RCBTB1: variants seen among roughly 807,000 people sequenced by gnomAD.
The protein encoded by RCBTB1 is RCC1 and BTB domain-containing protein 1.
Under a neutral mutation model 62.4 loss-of-function variants are expected in RCBTB1, and 46 were observed. That is an observed-to-expected ratio of 0.74 (90% CI 0.58 to 0.94). RCBTB1 has a LOEUF of 0.94. Among genes scored for constraint, RCBTB1 ranks in the 40% least tolerant of loss-of-function variants. RCBTB1 has a pLI of 0.00. For missense variants in RCBTB1, 565 were observed against 654.9 expected (o/e 0.86, Z 1.50); for synonymous variants, 222 against 245.8 (o/e 0.90, Z 0.91).
At chr13:49,563,413 A>T (rs1350575704) in intron 4 of RCBTB1, among the ~76,000 whole-genome samples, 1 of 147,574 alleles carries the variant, frequency 6.8e-6, no homozygotes, top group East Asian at 2.0e-4. Flanking sequence ...TTATAATCCC[A>T]GCACTTTGGG....
In RCBTB1 at chr13:49,560,317, G is replaced by C. The variant is rs77512321; in HGVS notation, c.278-233C>G. Among the ~76,000 whole-genome samples, 1,072 of 152,258 alleles carry C rather than the reference G, an allele frequency of 7.0e-3. 46 individuals are homozygous for C. In the East Asian group the frequency reaches 0.11, roughly 16 times the overall value. ...ACTTGGTAATAACATAGAAAGATCA[G>C]TTTTGTGATCAAAAGCAAAGTTTAC... On this transcript the variant is annotated intron_variant, in intron 4 of 12. Transcript: ENST00000378302.
Position 49,541,682 on chromosome 13 carries a change from C to T in RCBTB1, c.1318G>A (p.Ala440Thr), listed in dbSNP as rs765088709. The change falls in exon 11 of 13, where the codon GCT becomes ACT. Residue 440 changes from alanine to threonine, a missense_variant. Coordinates refer to ENST00000378302, the MANE Select transcript of RCBTB1 (RefSeq NM_018191.4). Reference protein sequence around the residue: ...TDTVDLPPEDAIGLLDLATSY... With the variant: ...TDTVDLPPEDTIGLLDLATSY... ...CCCAATGCTACCACAGTACCTATAG[C>T]ATCTTCTGGCGGCAGGTCGACTGTG... 6.2e-7 allele frequency: 1 copy of T among 1,611,252 alleles called. No individual in the cohort carries two copies. Among genetic ancestry groups the T allele is most frequent in the Non-Finnish European group, 8.5e-7 (1 of 1,178,932 alleles).
chr13:49,561,808 A>C (rs1178328144), intron 4 of RCBTB1, among the ~76,000 whole-genome samples: 2 of 152,040 alleles, frequency 1.3e-5, no homozygotes, highest in Non-Finnish European at 2.9e-5. Context: ...AACCTATAAC[A>C]AGTTTCTATG....
In RCBTB1 at chr13:49,541,760, C is replaced by T. The variant is rs1716787030; in HGVS notation, c.1240G>A (p.Asp414Asn). 1.2e-6 allele frequency: 2 copies of T among 1,613,926 alleles called. No homozygotes were observed. Among genetic ancestry groups the T allele is most frequent in the Non-Finnish European group, 1.7e-6 (2 of 1,179,916 alleles). Residue 414 changes from aspartate to asparagine, a missense_variant, in exon 11 of 13, where the codon GAT (aspartate) becomes AAT (asparagine). Physicochemically the swap from Asp to Asn is conservative, Grantham distance 23. Transcript: ENST00000378302. ...NEDMKEVIEIDQFSYPVYRAF... is the reference protein window; with the variant it reads ...NEDMKEVIEINQFSYPVYRAF... ...CGATACACTGGGTAAGAAAACTGATCGATTTCTATCACTTCCTTCATGTCT... is the reference window on the plus strand; with the variant it reads ...CGATACACTGGGTAAGAAAACTGATTGATTTCTATCACTTCCTTCATGTCT...
At chr13:49,542,213 C>CAAA (rs11285149) in intron 10 of RCBTB1, among the ~76,000 whole-genome samples, 5 of 139,410 alleles carry the variant, frequency 3.6e-5, no homozygotes, top group East Asian at 2.1e-4. Context: ...AACTCCGTCT[C>CAAA]AAAAAAAAAA....
At chr13:49,570,383 T>C (rs1011348342) in intron 2 of RCBTB1, among the ~76,000 whole-genome samples, 1 of 152,238 alleles carries the variant, frequency 6.6e-6, no homozygotes, top group Non-Finnish European at 1.5e-5. Context: ...CTCCAAAGAC[T>C]TGTCATTTAA....
intron 10 of RCBTB1, among the ~76,000 whole-genome samples, chr13:49,542,487 T>G (rs530382798): frequency 6.6e-6 from 1 of 152,292 alleles, no homozygotes; most frequent in East Asian, 1.9e-4. Flanking sequence ...TGTACAGAAA[T>G]GCATTTTAAA....
intron 2 of RCBTB1, among the ~76,000 whole-genome samples, chr13:49,572,015 C>T (rs1052312981): frequency 2.6e-5 from 4 of 151,982 alleles, no homozygotes; most frequent in Admixed American, 6.6e-5. Context: ...AAGAACTGTG[C>T]GGTTAACAAT....
At chr13:49,571,844 G>A (rs1963419736) in intron 2 of RCBTB1, among the ~76,000 whole-genome samples, 2 of 152,110 alleles carry the variant, frequency 1.3e-5, no homozygotes, top group Non-Finnish European at 2.9e-5. Context: ...CCTGGAGGCA[G>A]TGGCACCTTT....
At chr13:49,544,944 G>A in intron 9 of RCBTB1, 81 bp from the exon 10 acceptor site, 1 of 1,113,096 alleles carries the variant, frequency 9.0e-7, no homozygotes, top group Non-Finnish European at 1.3e-6. Flanking sequence ...AGATCATCAT[G>A]ACCGTGATGG....
At chr13:49,543,113 A>G (rs1404659659) in intron 10 of RCBTB1, among the ~76,000 whole-genome samples, 1 of 152,128 alleles carries the variant, frequency 6.6e-6, no homozygotes, top group Non-Finnish European at 1.5e-5. Flanking sequence ...AAATACAAAA[A>G]TTAGCTGGGC....
chr13:49,538,758 T>TACACAC (rs10640169), intron 12 of RCBTB1, among the ~76,000 whole-genome samples: 2 of 150,184 alleles, frequency 1.3e-5, no homozygotes, highest in East Asian at 3.9e-4. Context: ...TATATATATA[T>TACACAC]ACACACACAC....
At chr13:49,581,329 T>C (rs751664258) in intron 1 of RCBTB1, among the ~76,000 whole-genome samples, 2 of 152,176 alleles carry the variant, frequency 1.3e-5, no homozygotes, top group Non-Finnish European at 2.9e-5. Context: ...ACTGGCTGAA[T>C]GGGACAAGGA....
intron 7 of RCBTB1, 104 bp from the exon 8 acceptor site, chr13:49,551,572 A>G: frequency 7.8e-7 from 1 of 1,278,078 alleles, no homozygotes; most frequent in Middle Eastern, 1.9e-4. Flanking sequence ...CCAAATCATC[A>G]TCAGGGGTGG....
intron 4 of RCBTB1, among the ~76,000 whole-genome samples, chr13:49,565,595 G>C (rs578106965): frequency 7.7e-6 from 1 of 129,510 alleles, no homozygotes; most frequent in African/African-American, 3.3e-5. Flanking sequence ...GCCGCCCATC[G>C]TCTGGGATGT....
At chr13:49,540,847 G>A in intron 12 of RCBTB1, 29 bp downstream of exon 12, 1 of 1,607,690 alleles carries the variant, frequency 6.2e-7, no homozygotes, top group Non-Finnish European at 8.5e-7. Context: ...GTTAAAGGTG[G>A]TCTGGTTTCT....
At chr13:49,549,902 T>C (rs866135703) in intron 8 of RCBTB1, 8 of 985,236 alleles carry the variant, frequency 8.1e-6, no homozygotes, top group Non-Finnish European at 9.6e-6. Context: ...CGAGGAAAAC[T>C]TGGAAAACAG....
intron 4 of RCBTB1, 134 bp downstream of exon 4, chr13:49,566,484 T>C: frequency 1.2e-6 from 1 of 848,574 alleles, no homozygotes; most frequent in Non-Finnish European, 1.8e-6. Flanking sequence ...TCACCTGCTT[T>C]ATGTACTTCC....
intron 1 of RCBTB1, among the ~76,000 whole-genome samples, chr13:49,584,782 G>A (rs1964299554): frequency 6.6e-6 from 1 of 152,184 alleles, no homozygotes; most frequent in South Asian, 2.1e-4. Context: ...TGGCTTGAAA[G>A]TGTCTTACAT....
Sources: allele counts gnomAD v4.1 joint callset (sites outside exome capture counted in the v4.1 genomes callset), GRCh38; gene constraint gnomAD v4.1.1; transcripts MANE v1.5; gene names NCBI Gene and HGNC (gene_info 2026-07-23, HGNC 2026-07-21).